NKX6-3: variants seen among roughly 807,000 people sequenced by gnomAD.
The protein encoded by NKX6-3 is NK6 homeobox 3.
In NKX6-3, 17 loss-of-function variants were observed where a neutral mutation model predicts 22.0. The ratio of observed to expected loss-of-function variants is 0.77; its 90% confidence interval spans 0.53 to 1.16. The LOEUF is 1.16. Ranked by LOEUF, NKX6-3 falls within the 50% of genes most tolerant of loss-of-function variation. NKX6-3 has a pLI of 0.00. For synonymous variants in NKX6-3, 177 were observed against 167.2 expected, an observed-to-expected ratio of 1.06 and a Z score of -0.45; for missense variants, 363 against 359.0, an observed-to-expected ratio of 1.01 and a Z score of -0.09.
rs1804287210 is a variant in NKX6-3 at position 41,650,148 on chromosome 8, C to CA, written c.344_345insT (p.Gln117ProfsTer18). On this transcript the variant is annotated frameshift_variant, in exon 1 of 3. Transcript: ENST00000518699. LOFTEE classifies it high-confidence loss of function. ...GCCGCCCGCCTCGCCAGTCTTGGCC[C>CA]GTGTCCGCCCAGCAGTTCCGGGTCC... 1.3e-6 allele frequency: 2 copies of CA among 1,535,414 alleles called. No individual in the cohort carries two copies. The highest frequency in any genetic ancestry group is 1.7e-6 in the Non-Finnish European group (2 of 1,146,616).
chr8:41,650,656 A>AC lies in NKX6-3; in HGVS notation c.-165dup. On this transcript the variant is annotated 5_prime_UTR_variant, in exon 1 of 3. Coordinates refer to ENST00000518699, the MANE Select transcript of NKX6-3 (RefSeq NM_001364841.2). ...GCCAGGCCCTGGCCCAGGAACCGGC[A>AC]CCCGATCAGCTGCTCGGAAGTCAGG... 3 of 675,252 alleles carry AC rather than the reference A, an allele frequency of 4.4e-6. No individual in the cohort carries two copies. Among genetic ancestry groups the AC allele is most frequent in the Non-Finnish European group, 7.3e-6 (3 of 411,776 alleles). 41.8% of individuals were successfully genotyped at this position (675,252 alleles called of 1,614,324 possible).
chr8:41,646,912 C>T (rs1403742520), intron 2 of NKX6-3, among the ~76,000 whole-genome samples: 9 of 44,562 alleles, frequency 2.0e-4, no homozygotes, highest in Non-Finnish European at 3.7e-4. Flanking sequence ...CCACCGCCGC[C>T]TCCTCCCCCT....
Position 41,647,068 on chromosome 8 carries a change from T to C in NKX6-3, c.553-374A>G, listed in dbSNP as rs531589477. The C allele has an allele frequency of 2.2e-5, 23 of 1,047,292 alleles. No individual in the cohort carries two copies. In the East Asian group the frequency reaches 5.5e-4, roughly 25 times the overall value. 64.9% of individuals were successfully genotyped at this position (1,047,292 alleles called of 1,614,324 possible). A position where few individuals can be genotyped will look rare whatever the true frequency, so the allele number is the denominator to read the frequency against. ...GCCCCGGTGCTCATTGGAAGGTGCT[T>C]ATGAGCAGTCCCTACTCTGGGCTTC... On this transcript the variant is annotated intron_variant, in intron 2 of 2. Transcript: ENST00000518699.
rs549301288 is a variant in NKX6-3, at chr8:41,648,075, C to A, written c.543G>T (p.Ser181=). ...TCCCGCACAGACTTACCTTGACCTGCGACTCGGTCATGCCCAGTGAGTATG... is the reference window on the plus strand; with the variant it reads ...TCCCGCACAGACTTACCTTGACCTGAGACTCGGTCATGCCCAGTGAGTATG... The part of the protein sequence containing the change: ...RLAYSLGMTE[S]QVKVWFQNRR... Residue 181 remains serine, a synonymous_variant, in exon 2 of 3, where the codon TCG becomes TCT. Transcript: ENST00000518699. 3 of 1,533,614 alleles carry A rather than the reference C, an allele frequency of 2.0e-6. No homozygotes were observed. In the East Asian group the frequency reaches 7.4e-5, roughly 38 times the overall value.
chr8:41,647,374 G>C (rs1463317801), intron 2 of NKX6-3: 1 of 1,540,130 alleles, frequency 6.5e-7, no homozygotes, highest in South Asian at 1.2e-5. Context: ...CCGTCGCCGA[G>C]TCACTGAGCC....
intron 2 of NKX6-3, chr8:41,647,094 A>G (rs965601084): frequency 7.4e-7 from 1 of 1,354,588 alleles, no homozygotes; most frequent in Non-Finnish European, 1.0e-6. Flanking sequence ...TCTGGGCTTC[A>G]TAGACCCTCA....
intron 2 of NKX6-3, chr8:41,647,322 G>A: frequency 1.3e-6 from 2 of 1,584,590 alleles, no homozygotes; most frequent in Non-Finnish European, 1.7e-6. Context: ...CCTGAGCAAA[G>A]CCTAGACCCA....
At position 41,646,143 on chromosome 8, in the gene NKX6-3, GAAC is replaced by G; in HGVS notation, c.*303_*305del. 4.0e-6 allele frequency: 2 copies of G among 503,864 alleles called. No homozygotes were observed. The highest frequency in any genetic ancestry group is 7.0e-6 in the Non-Finnish European group (2 of 285,254). The allele number at this position is 503,864 out of a possible 1,614,324, so 31.2% of individuals were successfully genotyped here. On this transcript the variant is annotated 3_prime_UTR_variant, in exon 3 of 3. Coordinates refer to ENST00000518699, the MANE Select transcript of NKX6-3 (RefSeq NM_001364841.2). Reference sequence around the variant, plus strand: ...TCCTCTGTCCACTTGTGAATCTGCAGAACTGGCAGGCGAGGCCCGAGGAGGTGC... The same window carrying G: ...TCCTCTGTCCACTTGTGAATCTGCAGTGGCAGGCGAGGCCCGAGGAGGTGC...
chr8:41,648,743 C>T (rs1402337520), intron 1 of NKX6-3, among the ~76,000 whole-genome samples: 1 of 152,226 alleles, frequency 6.6e-6, no homozygotes, highest in East Asian at 1.9e-4. Flanking sequence ...TGTCACCAGG[C>T]CTGGAAGTTA....
chr8:41,648,322 C>A, intron 1 of NKX6-3, 87 bp from the exon 2 acceptor site: 1 of 1,170,218 alleles, frequency 8.5e-7, no homozygotes, highest in Non-Finnish European at 1.2e-6. Context: ...ACCATGCCTG[C>A]CCCTCTCCCT....
chr8:41,647,475 G>A lies in NKX6-3; in HGVS notation c.552+591C>T, dbSNP rs1804236936. ...TTTAGGGGGCATTTGGGGCCCCTGC[G>A]TGTGGAGTGGGAGAGCCTGGGCTCA... On this transcript the variant is annotated intron_variant, in intron 2 of 2. Coordinates refer to ENST00000518699, the MANE Select transcript of NKX6-3 (RefSeq NM_001364841.2). 10 of 1,005,534 alleles carry A rather than the reference G, an allele frequency of 9.9e-6. No individual in the cohort carries two copies. In the South Asian group the frequency reaches 1.3e-4, roughly 13 times the overall value. The allele number at this position is 1,005,534 out of a possible 1,614,324, so 62.3% of individuals were successfully genotyped here.
chr8:41,649,551 T>G lies in NKX6-3; in HGVS notation c.382+560A>C, dbSNP rs183325203. Among the ~76,000 whole-genome samples, 4 of 152,142 alleles carry G rather than the reference T, an allele frequency of 2.6e-5. No individual in the cohort carries two copies. In the East Asian group the frequency reaches 7.7e-4, roughly 29 times the overall value. On this transcript the variant is annotated intron_variant, in intron 1 of 2. Transcript: ENST00000518699. Reference sequence around the variant, plus strand: ...AAGTTCAGCTGGACTCAGCAGCAACTCCCCGAGACAGGCTACTTGGTGTGG... The same window carrying G: ...AAGTTCAGCTGGACTCAGCAGCAACGCCCCGAGACAGGCTACTTGGTGTGG...
rs922154185 is a variant in NKX6-3, at chr8:41,650,251, C to T, written c.242G>A (p.Gly81Glu). 2.6e-6 allele frequency: 4 copies of T among 1,533,336 alleles called. No homozygotes were observed. The highest frequency in any genetic ancestry group is 3.9e-5 in the Admixed American group (2 of 50,666). The allele number at this position is 1,533,336 out of a possible 1,614,324, so 95.0% of individuals were successfully genotyped here. Residue 81 changes from glycine (G) to glutamate (E), a missense_variant, in exon 1 of 3, where the codon GGG (glycine) becomes GAG (glutamate). By Grantham distance (98) the Gly-to-Glu change is moderately conservative. Transcript: ENST00000518699. ...LSGYPHVAGF[G>E]GLSSQGVYYS... ...GTAGACCCCCTGCGAGCTGAGCCCCCCAAAGCCTGCCACGTGGGGGTAGCC... is the reference window on the plus strand; with the variant it reads ...GTAGACCCCCTGCGAGCTGAGCCCCTCAAAGCCTGCCACGTGGGGGTAGCC...
At position 41,646,513 on chromosome 8, in the gene NKX6-3, C is replaced by G; in HGVS notation, c.734G>C (p.Arg245Pro). 6.2e-7 allele frequency: 1 copy of G among 1,612,030 alleles called. No homozygotes were observed. The highest frequency in any genetic ancestry group is 8.5e-7 in the Non-Finnish European group (1 of 1,179,348). ...GGCGCGGTGCTTGCGCAGCAGCAGGCGGATCTTCTCGTCGTCCGAGTCGGG... is the reference window on the plus strand; with the variant it reads ...GGCGCGGTGCTTGCGCAGCAGCAGGGGGATCTTCTCGTCGTCCGAGTCGGG... Reference protein sequence around the residue: ...LDPDSDDEKIRLLLRKHRAAF... With the variant: ...LDPDSDDEKIPLLLRKHRAAF... The change falls in exon 3 of 3, where the codon CGC becomes CCC. Residue 245 changes from arginine to proline, a missense_variant. By Grantham distance (103) the Arg-to-Pro change is moderately radical (BLOSUM62 -2). This residue lies in a region of NKX6-3 where 169 missense variants were observed against 155.8 expected (regional missense o/e 1.08). Coordinates refer to ENST00000518699, the MANE Select transcript of NKX6-3 (RefSeq NM_001364841.2).
At chr8:41,649,427 C>T (rs556611787) in intron 1 of NKX6-3, among the ~76,000 whole-genome samples, 6 of 152,362 alleles carry the variant, frequency 3.9e-5, no homozygotes, top group South Asian at 2.1e-4. Flanking sequence ...CCACCTCCTC[C>T]AGTAACCCTG....
intron 2 of NKX6-3, chr8:41,647,292 G>A (rs1804232335): frequency 6.2e-7 from 1 of 1,601,972 alleles, no homozygotes; most frequent in Admixed American, 1.7e-5. Context: ...GCGGGTTGGA[G>A]CTCGGGGAGG....
chr8:41,646,602 T>TGCACCC lies in NKX6-3; in HGVS notation c.639_644dup (p.Ala217_Gly218dup), dbSNP rs1804208563. ...AGGGTGCGCGGTCCCCGCCTGCGCC[T>TGCACCC]GCACCCGCGCCGCCCGGGGCCCGGG... On this transcript the variant is annotated inframe_insertion, in exon 3 of 3. Transcript: ENST00000518699. 6.4e-7 allele frequency: 1 copy of TGCACCC among 1,570,448 alleles called. No homozygotes were observed. Among genetic ancestry groups the TGCACCC allele is most frequent in the Admixed American group, 1.9e-5 (1 of 53,160 alleles).
In NKX6-3 at chr8:41,650,500, C is replaced by T. The variant is rs1290655683; in HGVS notation, c.-8G>A. Reference sequence around the variant, plus strand: ...CTGCAGGTTGGACTCCATGATCTCCCAGTCAGGACAGGGAAGGCTTCTCCA... The same window carrying T: ...CTGCAGGTTGGACTCCATGATCTCCTAGTCAGGACAGGGAAGGCTTCTCCA... On this transcript the variant is annotated 5_prime_UTR_variant, in exon 1 of 3. Transcript: ENST00000518699. 3 of 1,534,926 alleles carry T rather than the reference C, an allele frequency of 2.0e-6. No homozygotes were observed. The highest frequency in any genetic ancestry group is 2.0e-5 in the Admixed American group (1 of 50,956).
Position 41,650,514 on chromosome 8 carries a change from A to T in NKX6-3, c.-22T>A. 1 of 1,533,636 alleles carries T rather than the reference A, an allele frequency of 6.5e-7. No homozygotes were observed. Among genetic ancestry groups the T allele is most frequent in the Non-Finnish European group, 8.7e-7 (1 of 1,146,282 alleles). On this transcript the variant is annotated 5_prime_UTR_variant, in exon 1 of 3. Transcript: ENST00000518699. Reference sequence around the variant, plus strand: ...CCATGATCTCCCAGTCAGGACAGGGAAGGCTTCTCCAGGCCCCTAAAACCC... The same window carrying T: ...CCATGATCTCCCAGTCAGGACAGGGTAGGCTTCTCCAGGCCCCTAAAACCC...
Sources: allele counts gnomAD v4.1 joint callset (sites outside exome capture counted in the v4.1 genomes callset), GRCh38; gene constraint gnomAD v4.1.1; regional missense constraint gnomAD v4.1.1; transcripts MANE v1.5; gene names NCBI Gene and HGNC (gene_info 2026-07-23, HGNC 2026-07-21).